KCNH5: variants seen among roughly 807,000 people sequenced by gnomAD.
KCNH5 encodes the protein voltage-gated delayed rectifier potassium channel KCNH5.
A neutral mutation model predicts 96.1 loss-of-function variants in KCNH5; 46 were observed. The observed-to-expected ratio is 0.48, with a 90% confidence interval of 0.38 to 0.61. The LOEUF is 0.61. KCNH5 is among the 20% of genes least tolerant of loss of function. The pLI, the probability that KCNH5 is intolerant of heterozygous loss-of-function variation, is 0.00. For synonymous variants in KCNH5, 439 were observed against 449.8 expected (o/e 0.98, Z 0.30); for missense variants, 907 against 1,225.8 (o/e 0.74, Z 3.88).
chr14:63,044,972 C>G (rs1019545437), intron 1 of KCNH5, 142 bp downstream of exon 1: 27 of 686,068 alleles, frequency 3.9e-5, no homozygotes, highest in Non-Finnish European at 5.6e-5. Flanking sequence ...CACCCCAAAT[C>G]CAGCCCAACT....
chr14:62,952,028 A>T (rs1199202452), intron 6 of KCNH5, among the ~76,000 whole-genome samples: 2 of 152,066 alleles, frequency 1.3e-5, no homozygotes, highest in Non-Finnish European at 2.9e-5. Context: ...ATATTCTATA[A>T]GACAGCATGT....
intron 6 of KCNH5, among the ~76,000 whole-genome samples, chr14:62,973,240 G>A (rs1422392204): frequency 6.6e-6 from 1 of 152,204 alleles, no homozygotes; most frequent in African/African-American, 2.4e-5. Flanking sequence ...AAAGCAGATT[G>A]CTTAGGACTT....
intron 7 of KCNH5, among the ~76,000 whole-genome samples, chr14:62,916,187 C>T (rs1026861810): frequency 6.6e-6 from 1 of 152,046 alleles, no homozygotes; most frequent in Admixed American, 6.6e-5. Context: ...CTCCTGACCT[C>T]GTGATCTGCC....
intron 2 of KCNH5, among the ~76,000 whole-genome samples, chr14:63,013,584 T>C (rs762740797): frequency 2.6e-5 from 4 of 152,114 alleles, no homozygotes; most frequent in Non-Finnish European, 5.9e-5. Context: ...TTTTCTTTTT[T>C]TCTCTCTCTG....
At chr14:63,016,622 G>A (rs1386625087) in intron 2 of KCNH5, among the ~76,000 whole-genome samples, 1 of 152,066 alleles carries the variant, frequency 6.6e-6, no homozygotes, top group Admixed American at 6.6e-5. Context: ...TTAACTCACA[G>A]ATATATACAA....
At position 62,741,575 on chromosome 14, in the gene KCNH5, G is replaced by C. The variant is rs1365247230; in HGVS notation, c.2020-33120C>G. 3.3e-5 allele frequency among the ~76,000 whole-genome samples: 5 copies of C among 152,114 alleles called. No homozygotes were observed. In the East Asian group the frequency reaches 9.6e-4, roughly 29 times the overall value. On this transcript the variant is annotated intron_variant, in intron 10 of 10. Transcript: ENST00000322893. The stretch of plus-strand genomic sequence containing the variant: ...CAACCCAATGATAACATAAAGCATG[G>C]AAAGGAGAATCAACCCTTATGAGTG...
rs74683058 is a variant in KCNH5, at chr14:63,012,996, G to A, written c.197+3835C>T. 1.4e-3 allele frequency among the ~76,000 whole-genome samples: 211 copies of A among 148,572 alleles called. 1 individual carries two copies. The highest frequency in any genetic ancestry group is 5.3e-3 in the African/African-American group (206 of 38,928). ...GGATGAAAGGGAAAAGAAATAAAAG[G>A]AAAAAAATAAAATAAAATAAAGAGA... On this transcript the variant is annotated intron_variant, in intron 2 of 10. Coordinates refer to ENST00000322893, the MANE Select transcript of KCNH5 (RefSeq NM_139318.5).
At position 62,802,403 on chromosome 14, in the gene KCNH5, C is replaced by CT. The variant is rs1886680339; in HGVS notation, c.1747dup (p.Ser583LysfsTer19). 1 of 1,614,060 alleles carries CT rather than the reference C, an allele frequency of 6.2e-7. No individual in the cohort carries two copies. The highest frequency in any genetic ancestry group is 8.5e-7 in the Non-Finnish European group (1 of 1,180,018). The stretch of plus-strand genomic sequence containing the variant: ...CACCACAAAGCAGAGGGCATCCACA[C>CT]TTTCTCCAGCATGGTAAATGAGGTC... On this transcript the variant is annotated frameshift_variant, in exon 9 of 11. Coordinates refer to ENST00000322893, the MANE Select transcript of KCNH5 (RefSeq NM_139318.5). LOFTEE classifies it high-confidence loss of function.
chr14:63,023,548 C>G (rs1328632683), intron 1 of KCNH5, among the ~76,000 whole-genome samples: 1 of 152,050 alleles, frequency 6.6e-6, no homozygotes, highest in Admixed American at 6.6e-5. Context: ...TATAATCATC[C>G]AGACAGAAAA....
At position 62,783,303 on chromosome 14, in the gene KCNH5, T is replaced by C. The variant is rs151188304; in HGVS notation, c.1823-3379A>G. Among the ~76,000 whole-genome samples the C allele has an allele frequency of 1.7e-3, 263 of 152,342 alleles. 1 individual carries two copies. Among genetic ancestry groups the C allele is most frequent in the Non-Finnish European group, 3.5e-3 (235 of 68,018 alleles). On this transcript the variant is annotated intron_variant, in intron 9 of 10. Coordinates refer to ENST00000322893, the MANE Select transcript of KCNH5 (RefSeq NM_139318.5). ...ATGGTTTTTATTTTGTCTTATAATT[T>C]GTGTAATACTTTGTAAACAGAAGAG...
intron 7 of KCNH5, among the ~76,000 whole-genome samples, chr14:62,893,060 C>G (rs554449040): frequency 1.7e-4 from 26 of 152,270 alleles, no homozygotes; most frequent in African/African-American, 5.8e-4. Context: ...AAGGCTATAG[C>G]TAGTGTAGAC....
intron 7 of KCNH5, among the ~76,000 whole-genome samples, chr14:62,939,262 C>T (rs759349111): frequency 1.6e-4 from 25 of 152,182 alleles, no homozygotes; most frequent in Non-Finnish European, 3.5e-4. Flanking sequence ...TTCCATTCTA[C>T]CTCACTGGGT....
intron 2 of KCNH5, among the ~76,000 whole-genome samples, chr14:63,015,004 T>C (rs17100629): frequency 0.048 from 7,255 of 152,046 alleles, 201 homozygotes; most frequent in East Asian, 0.062. Flanking sequence ...GGCCCAACGA[T>C]ATCAGTGCTA....
At position 62,845,154 on chromosome 14, in the gene KCNH5, C is replaced by G. The variant is rs1887664866; in HGVS notation, c.1569+4499G>C. 2.6e-5 allele frequency among the ~76,000 whole-genome samples: 4 copies of G among 151,630 alleles called. No homozygotes were observed. The South Asian group carries it at 8.3e-4, about 32-fold the overall frequency. Reference sequence around the variant, plus strand: ...TATCAATAAAATATAAAATAAGAAACATAAAGTAATAAAATGTATTTGGCT... The same window carrying G: ...TATCAATAAAATATAAAATAAGAAAGATAAAGTAATAAAATGTATTTGGCT... On this transcript the variant is annotated intron_variant, in intron 8 of 10. Transcript: ENST00000322893.
chr14:62,774,250 C>A (rs1886050087), intron 10 of KCNH5, among the ~76,000 whole-genome samples: 1 of 150,118 alleles, frequency 6.7e-6, no homozygotes, highest in Non-Finnish European at 1.5e-5. Flanking sequence ...GTCACAAAGG[C>A]ATCTTTTCCT....
At chr14:62,721,091 T>C (rs1884804344) in intron 10 of KCNH5, among the ~76,000 whole-genome samples, 1 of 152,222 alleles carries the variant, frequency 6.6e-6, no homozygotes, top group African/African-American at 2.4e-5. Context: ...CTTAGTCAGC[T>C]ATCAGGGATA....
At chr14:63,043,650 C>T (rs1891867827) in intron 1 of KCNH5, among the ~76,000 whole-genome samples, 2 of 152,128 alleles carry the variant, frequency 1.3e-5, no homozygotes, top group African/African-American at 4.8e-5. Context: ...TTTATTGTTT[C>T]AGGCATTGGC....
At chr14:62,731,528 A>G (rs746536052) in intron 10 of KCNH5, among the ~76,000 whole-genome samples, 20 of 152,124 alleles carry the variant, frequency 1.3e-4, no homozygotes, top group Non-Finnish European at 2.6e-4. Context: ...AACATACTAC[A>G]ATTTTCTACT....
At chr14:63,018,200 T>C (rs1891361431) in intron 1 of KCNH5, among the ~76,000 whole-genome samples, 1 of 151,952 alleles carries the variant, frequency 6.6e-6, no homozygotes, top group Admixed American at 6.6e-5. Flanking sequence ...GATAGTCATT[T>C]AACTGTCTAT....
Sources: allele counts gnomAD v4.1 joint callset (sites outside exome capture counted in the v4.1 genomes callset), GRCh38; gene constraint gnomAD v4.1.1; transcripts MANE v1.5; gene names NCBI Gene and HGNC (gene_info 2026-07-23, HGNC 2026-07-21).